The following ZFYVE16 variants were observed in gnomAD, a reference collection of about 807,000 sequenced individuals.
ZFYVE16 encodes zinc finger FYVE domain-containing protein 16.
A neutral mutation model predicts 138.1 loss-of-function variants in ZFYVE16; 89 were observed. The observed-to-expected ratio is 0.64, with a 90% confidence interval of 0.54 to 0.77. The LOEUF (loss-of-function observed/expected upper bound fraction) is 0.77. ZFYVE16 is among the 30% of genes least tolerant of loss of function. The pLI is 0.00. For missense variants in ZFYVE16, 1,793 were observed against 1,786.7 expected (o/e 1.00, Z -0.06); for synonymous variants, 596 against 618.3 (o/e 0.96, Z 0.53).
At position 80,437,308 on chromosome 5, in the gene ZFYVE16, G is replaced by A. The variant is rs755235867; in HGVS notation, c.623G>A (p.Gly208Asp). The change falls in exon 4 of 19, where the codon GGT (glycine) becomes GAT (aspartate). Residue 208 changes from glycine (G) to aspartate (D), a missense_variant. Gly to Asp is a moderately conservative substitution (Grantham distance 94). This residue lies in a region of ZFYVE16 where 1,295 missense variants were observed against 1,204.3 expected (regional missense o/e 1.08). Coordinates refer to ENST00000505560, the MANE Select transcript of ZFYVE16 (RefSeq NM_001284236.3). ...GAAATCGGAGGAATCAAAGAATTGG[G>A]TATAAAAGTAGATACAACACTTTCA... ...NREIGGIKEL[G>D]IKVDTTLSDS... 2 of 1,606,326 alleles carry A rather than the reference G, an allele frequency of 1.2e-6. No homozygotes were observed. Among genetic ancestry groups the A allele is most frequent in the African/African-American group, 1.3e-5 (1 of 74,548 alleles).
chr5:80,410,127 G>A (rs1745205415), intron 1 of ZFYVE16: 1 of 152,022 alleles, frequency 6.6e-6, no homozygotes, highest in African/African-American at 2.4e-5. Flanking sequence ...GAGGGGGCTG[G>A]GGGGAGTCCA....
chr5:80,450,730 T>C, intron 10 of ZFYVE16, 144 bp downstream of exon 10: 1 of 846,006 alleles, frequency 1.2e-6, no homozygotes, highest in Non-Finnish European at 1.7e-6. Context: ...AATAATTATT[T>C]TGTCTCCTTA....
At chr5:80,414,519 C>A (rs1236848412) in intron 1 of ZFYVE16, among the ~76,000 whole-genome samples, 1 of 152,148 alleles carries the variant, frequency 6.6e-6, no homozygotes, top group Non-Finnish European at 1.5e-5. Context: ...CATGGTCAAC[C>A]ATTTTTTTAT....
rs562521653 is a variant in ZFYVE16, at chr5:80,440,540, TG to T, written c.2419+509del. ...ACACTATTTGCACATTTTTGTCTCA[TG>T]TTTTTTTCTTTTCTCAACTTTAGAA... On this transcript the variant is annotated intron_variant, in intron 5 of 18. Transcript: ENST00000505560. The T allele has an allele frequency of 1.6e-4, 155 of 985,328 alleles. 1 individual carries two copies. In the East Asian group the frequency reaches 9.6e-3, roughly 61 times the overall value. 61.0% of individuals were successfully genotyped at this position (985,328 alleles called of 1,614,324 possible).
chr5:80,473,967 T>A (rs1580375266), intron 17 of ZFYVE16, 108 bp downstream of exon 17: 2 of 758,214 alleles, frequency 2.6e-6, no homozygotes, highest in Admixed American at 5.7e-5. Context: ...CTTATTATAC[T>A]TTTTATGCTA....
At position 80,474,806 on chromosome 5, in the gene ZFYVE16, C is replaced by CA. The variant is rs1561341854; in HGVS notation, c.4438dup (p.Arg1480LysfsTer5). On this transcript the variant is annotated frameshift_variant, in exon 18 of 19. Coordinates refer to ENST00000505560, the MANE Select transcript of ZFYVE16 (RefSeq NM_001284236.3). LOFTEE classifies it high-confidence loss of function. ...GTAATGGGATGAATAAAATTGGACT[C>CA]AGAGTTTCCATTGACACTGATATGG... 1.1e-5 allele frequency: 18 copies of CA among 1,612,820 alleles called. No homozygotes were observed. Among genetic ancestry groups the CA allele is most frequent in the Non-Finnish European group, 1.5e-5 (18 of 1,179,458 alleles).
intron 6 of ZFYVE16, among the ~76,000 whole-genome samples, chr5:80,444,864 CCTT>C (rs1751124141): frequency 6.6e-6 from 1 of 152,058 alleles, no homozygotes; most frequent in Non-Finnish European, 1.5e-5. Flanking sequence ...AGTCTCTACT[CCTT>C]ACTCACACAA....
At chr5:80,462,505 C>T (rs1753234374) in intron 15 of ZFYVE16, among the ~76,000 whole-genome samples, 1 of 152,208 alleles carries the variant, frequency 6.6e-6, no homozygotes, top group South Asian at 2.1e-4. Flanking sequence ...TCTCCCTTGA[C>T]ATGCAGGGAT....
At chr5:80,441,572 T>C in intron 5 of ZFYVE16, 4 of 985,330 alleles carry the variant, frequency 4.1e-6, no homozygotes, top group Non-Finnish European at 4.8e-6. Context: ...AGAAAGACGG[T>C]TCATGGGTTG....
At chr5:80,422,430 T>C (rs569552172) in intron 1 of ZFYVE16, among the ~76,000 whole-genome samples, 32 of 152,294 alleles carry the variant, frequency 2.1e-4, no homozygotes, top group African/African-American at 7.5e-4. Context: ...TAAGAGTTTT[T>C]CTCATGAATG....
At chr5:80,434,733 A>G (rs956390115) in intron 3 of ZFYVE16, among the ~76,000 whole-genome samples, 2 of 152,082 alleles carry the variant, frequency 1.3e-5, no homozygotes, top group African/African-American at 4.8e-5. Flanking sequence ...AGCCTACCAA[A>G]ATGTTGGGAT....
chr5:80,412,305 A>T (rs1167664048), intron 1 of ZFYVE16, among the ~76,000 whole-genome samples: 1 of 152,184 alleles, frequency 6.6e-6, no homozygotes, highest in Non-Finnish European at 1.5e-5. Flanking sequence ...ATTTTTTCTT[A>T]AATTTAAAAA....
intron 5 of ZFYVE16, chr5:80,440,704 G>GTGTGTGTGTGTGTGTGTGTGT (rs34917385): frequency 2.1e-6 from 2 of 943,296 alleles, no homozygotes; most frequent in Non-Finnish European, 2.5e-6. Context: ...GTGTGTGTGT[G>GTGTGTGTGTGTGTGTGTGTGT]GTGTTTTTTT....
At chr5:80,465,286 G>T (rs1454875451) in intron 15 of ZFYVE16, among the ~76,000 whole-genome samples, 1 of 151,508 alleles carries the variant, frequency 6.6e-6, no homozygotes, top group East Asian at 1.9e-4. Context: ...ATTTTTGAAG[G>T]AGAGTTTTGC....
chr5:80,412,172 A>C (rs1337748194), intron 1 of ZFYVE16, among the ~76,000 whole-genome samples: 1 of 151,608 alleles, frequency 6.6e-6, no homozygotes, highest in African/African-American at 2.4e-5. Flanking sequence ...TCTTACCTTA[A>C]CCATTTTAGG....
intron 5 of ZFYVE16, chr5:80,441,081 G>GT (rs1750655914): frequency 1.0e-6 from 1 of 985,264 alleles, no homozygotes; most frequent in South Asian, 4.7e-5. Flanking sequence ...TAGTTGTTTT[G>GT]TTTTTTCTTA....
At chr5:80,421,004 G>A (rs1033948645) in intron 1 of ZFYVE16, among the ~76,000 whole-genome samples, 12 of 152,146 alleles carry the variant, frequency 7.9e-5, no homozygotes, top group South Asian at 2.1e-4. Context: ...GGTGTGAGAC[G>A]GTATCTCATT....
chr5:80,437,106 A>G lies in ZFYVE16; in HGVS notation c.421A>G (p.Asn141Asp), dbSNP rs1330801440. ...SDMGNLVHAT[N>D]SEEDIKKLLP... ...CATGGGTAACTTAGTTCATGCAACCAATAGTGAAGAAGATATTAAAAAATT... is the reference window on the plus strand; with the variant it reads ...CATGGGTAACTTAGTTCATGCAACCGATAGTGAAGAAGATATTAAAAAATT... The change falls in exon 4 of 19, where the codon AAT (asparagine) becomes GAT (aspartate). Residue 141 changes from asparagine (N) to aspartate (D), a missense_variant. This residue lies in a region of ZFYVE16 where 1,295 missense variants were observed against 1,204.3 expected (regional missense o/e 1.08). Transcript: ENST00000505560. The G allele has an allele frequency of 7.4e-6, 12 of 1,613,994 alleles. No individual in the cohort carries two copies. The African/African-American group carries it at 1.1e-4, about 14-fold the overall frequency.
chr5:80,457,071 G>A lies in ZFYVE16; in HGVS notation c.3922G>A (p.Ala1308Thr), dbSNP rs1353239675. 2.5e-6 allele frequency: 4 copies of A among 1,611,674 alleles called. No homozygotes were observed. Among genetic ancestry groups the A allele is most frequent in the East Asian group, 2.2e-5 (1 of 44,726 alleles). ...DGIYETQANSATGHPRKVTGA... is the reference protein window; with the variant it reads ...DGIYETQANSTTGHPRKVTGA... The stretch of plus-strand genomic sequence containing the variant: ...AATTTATGAAACACAGGCCAACAGT[G>A]CCACTGGCCATCCTAGAAAAGGTGA... Residue 1308 changes from alanine (A) to threonine (T), a missense_variant, in exon 14 of 19, where the codon GCC (alanine) becomes ACC (threonine). Ala to Thr is a moderately conservative substitution (Grantham distance 58, BLOSUM62 0). Around this residue, in one of 2 missense-constraint regions of ZFYVE16, gnomAD observed 498 missense variants for 582.4 expected, o/e 0.86. Coordinates refer to ENST00000505560, the MANE Select transcript of ZFYVE16 (RefSeq NM_001284236.3).
Sources: allele counts gnomAD v4.1 joint callset (sites outside exome capture counted in the v4.1 genomes callset), GRCh38; gene constraint gnomAD v4.1.1; regional missense constraint gnomAD v4.1.1; transcripts MANE v1.5; gene names NCBI Gene and HGNC (gene_info 2026-07-23, HGNC 2026-07-21).